Variants in LIN28B observed in about 807,000 individuals in gnomAD.
LIN28B encodes the protein lin-28 RNA binding posttranscriptional regulator B, also known as protein lin-28 homolog B.
In LIN28B, 5 loss-of-function variants were observed where a neutral mutation model predicts 21.9. The observed-to-expected ratio is 0.23, with a 90% CI of 0.12 to 0.48. LIN28B has a LOEUF of 0.48. Among genes scored for constraint, LIN28B ranks in the 20% least tolerant of loss-of-function variants. LIN28B has a pLI of 0.98. For synonymous variants in LIN28B, 109 were observed against 111.3 expected, an observed-to-expected ratio of 0.98 and a Z score of 0.13; for missense variants, 245 against 310.5, an observed-to-expected ratio of 0.79 and a Z score of 1.58.
chr6:105,026,603 A>G (rs558838003), intron 3 of LIN28B, 121 bp downstream of exon 3: 1 of 619,594 alleles, frequency 1.6e-6, no homozygotes, highest in Non-Finnish European at 2.8e-6. Context: ...CATGTAGAAT[A>G]TATTAAATAT....
In LIN28B at chr6:105,017,082, A is replaced by G. The variant is rs534655499; in HGVS notation, c.199-9216A>G. On this transcript the variant is annotated intron_variant, in intron 2 of 3. Transcript: ENST00000345080. ...AGCAAGACTCTGTCTCAAAAAAAAA[A>G]AAAAAAAAAAAGAAAGATAACAGAC... Among the ~76,000 whole-genome samples the G allele has an allele frequency of 5.7e-4, 86 of 151,826 alleles. No homozygotes were observed. In the Middle Eastern group the frequency reaches 0.021, roughly 36 times the overall value.
At chr6:105,017,453 C>T (rs1385347377) in intron 2 of LIN28B, among the ~76,000 whole-genome samples, 1 of 152,154 alleles carries the variant, frequency 6.6e-6, no homozygotes, top group Non-Finnish European at 1.5e-5. Context: ...TATTGAACTA[C>T]TAGTCAATGT....
chr6:105,066,774 T>C (rs955815654), intron 3 of LIN28B, among the ~76,000 whole-genome samples: 5 of 152,076 alleles, frequency 3.3e-5, no homozygotes, highest in African/African-American at 7.2e-5. Context: ...TAAAATTTCT[T>C]GTGCTCTGGT....
chr6:104,953,086 A>C (rs186605206), upstream of LIN28B, among the ~76,000 whole-genome samples: 23 of 152,334 alleles, frequency 1.5e-4, no homozygotes, highest in South Asian at 1.4e-3. Context: ...CGGCGGAAGG[A>C]ATCAGGACAG....
intron 3 of LIN28B, chr6:105,058,205 C>T: frequency 3.8e-6 from 1 of 260,286 alleles, no homozygotes; most frequent in South Asian, 3.6e-5. Context: ...TGTAGCCCCA[C>T]ATGAGCTGCA....
chr6:104,941,003 G>C (rs1778080242), intron 2 of LIN28B: 1 of 152,154 alleles, frequency 6.6e-6, no homozygotes, highest in African/African-American at 2.4e-5. Flanking sequence ...GCGACCATGA[G>C]GCCCCGGAGG....
chr6:104,958,310 CTCT>C (rs1562071338), intron 2 of LIN28B, 24 bp downstream of exon 2: 1 of 1,533,892 alleles, frequency 6.5e-7, no homozygotes, highest in Non-Finnish European at 8.9e-7. Context: ...TTTTGTCCCC[CTCT>C]TCATCTTTTT....
intron 3 of LIN28B, among the ~76,000 whole-genome samples, chr6:105,050,685 G>A (rs1023017698): frequency 7.5e-5 from 11 of 147,358 alleles, no homozygotes; most frequent in South Asian, 2.1e-4. Context: ...AGTTTCTGCC[G>A]AGAGATCTGC....
chr6:104,959,932 C>A (rs1052878836), intron 2 of LIN28B, among the ~76,000 whole-genome samples: 1 of 152,024 alleles, frequency 6.6e-6, no homozygotes, highest in Non-Finnish European at 1.5e-5. Flanking sequence ...AAATATTCAT[C>A]AAATGTTAAG....
chr6:105,077,420 A>G (rs1772448060), intron 3 of LIN28B, among the ~76,000 whole-genome samples: 1 of 151,982 alleles, frequency 6.6e-6, no homozygotes, highest in African/African-American at 2.4e-5. Flanking sequence ...TCTTCCACTA[A>G]TGGTTTTTTT....
At chr6:105,017,872 G>T (rs1010110128) in intron 2 of LIN28B, among the ~76,000 whole-genome samples, 2 of 152,100 alleles carry the variant, frequency 1.3e-5, no homozygotes, top group African/African-American at 4.8e-5. Flanking sequence ...GACCTGCACA[G>T]GTACCCCCTA....
chr6:105,031,113 A>G (rs1242629807), intron 3 of LIN28B, among the ~76,000 whole-genome samples: 5 of 151,912 alleles, frequency 3.3e-5, no homozygotes, highest in Non-Finnish European at 7.4e-5. Context: ...TATTTTGACT[A>G]TGTAAATATC....
At chr6:105,005,189 C>T (rs1770793281) in intron 2 of LIN28B, among the ~76,000 whole-genome samples, 1 of 152,056 alleles carries the variant, frequency 6.6e-6, no homozygotes. Flanking sequence ...AACTCAGGTG[C>T]CCTTCTGATT....
intron 3 of LIN28B, among the ~76,000 whole-genome samples, chr6:105,041,357 A>G (rs966236280): frequency 2.6e-5 from 4 of 151,922 alleles, no homozygotes; most frequent in African/African-American, 9.7e-5. Context: ...TCTCACTTGT[A>G]TAATGTCTTC....
chr6:105,034,011 T>A (rs1488449436), intron 3 of LIN28B, among the ~76,000 whole-genome samples: 1 of 151,802 alleles, frequency 6.6e-6, no homozygotes, highest in East Asian at 1.9e-4. Context: ...TCTGGAAATC[T>A]TTTTTATATA....
intron 2 of LIN28B, among the ~76,000 whole-genome samples, chr6:104,985,037 C>T (rs1472166379): frequency 6.6e-6 from 1 of 152,160 alleles, no homozygotes; most frequent in Non-Finnish European, 1.5e-5. Context: ...GTAATAAATA[C>T]TTCCACCATG....
At chr6:105,017,629 T>C (rs914254162) in intron 2 of LIN28B, among the ~76,000 whole-genome samples, 1 of 151,928 alleles carries the variant, frequency 6.6e-6, no homozygotes, top group Non-Finnish European at 1.5e-5. Context: ...CTAAGCAAAT[T>C]AATGAGGGAG....
chr6:104,956,744 C>T (rs1414454972), upstream of LIN28B, among the ~76,000 whole-genome samples: 1 of 152,136 alleles, frequency 6.6e-6, no homozygotes, highest in Non-Finnish European at 1.5e-5. Context: ...ATTTAAACGA[C>T]CCCCTCCCAT....
At chr6:105,066,724 T>C (rs552324020) in intron 3 of LIN28B, among the ~76,000 whole-genome samples, 2 of 152,244 alleles carry the variant, frequency 1.3e-5, no homozygotes, top group South Asian at 4.1e-4. Context: ...TAACAAATTA[T>C]TGCCTCACTT....
Sources: allele counts gnomAD v4.1 joint callset (sites outside exome capture counted in the v4.1 genomes callset), GRCh38; gene constraint gnomAD v4.1.1; transcripts MANE v1.5; gene names NCBI Gene and HGNC (gene_info 2026-07-23, HGNC 2026-07-21).